The following HORMAD2 variants were observed in gnomAD, a reference collection of about 807,000 sequenced individuals.
HORMAD2 encodes HORMA domain-containing protein 2.
HORMAD2 carries 45 observed loss-of-function variants against 38.8 expected under a neutral mutation model. That is an observed-to-expected ratio of 1.16 (90% CI 0.91 to 1.49). The LOEUF is 1.49. Among genes scored for constraint, HORMAD2 ranks in the 40% most tolerant of loss-of-function variants. The pLI, the probability that HORMAD2 is intolerant of heterozygous loss-of-function variation, is 0.00. For missense variants in HORMAD2, 338 were observed against 367.0 expected, an observed-to-expected ratio of 0.92 and a Z score of 0.65; for synonymous variants, 126 against 122.8, an observed-to-expected ratio of 1.03 and a Z score of -0.17.
chr22:30,188,129 C>T, the HORMAD2 span, among the ~76,000 whole-genome samples: 1 of 152,126 alleles, frequency 6.6e-6, no homozygotes, highest in Non-Finnish European at 1.5e-5. Flanking sequence ...AGACAATAAG[C>T]ATCTCTGAAG....
upstream of HORMAD2, among the ~76,000 whole-genome samples, chr22:30,078,112 GAAGT>G (rs1411550579): frequency 5.9e-5 from 9 of 152,150 alleles, no homozygotes; most frequent in African/African-American, 1.4e-4. Context: ...AGGAAGGAAA[GAAGT>G]AAGAGAAACT....
At chr22:30,098,729 T>C in intron 2 of HORMAD2, 123 bp from the exon 3 acceptor site, 1 of 748,440 alleles carries the variant, frequency 1.3e-6, no homozygotes, top group Non-Finnish European at 2.0e-6. Flanking sequence ...TTCTTTTTGA[T>C]TACCTTCAAA....
chr22:30,140,552 G>C (rs958322913), intron 10 of HORMAD2, among the ~76,000 whole-genome samples: 3 of 150,654 alleles, frequency 2.0e-5, no homozygotes, highest in African/African-American at 7.5e-5. Context: ...TTTCATCTAA[G>C]TTATCTAATT....
downstream of HORMAD2, among the ~76,000 whole-genome samples, chr22:30,180,003 C>T (rs943400591): frequency 6.6e-6 from 1 of 152,142 alleles, no homozygotes; most frequent in African/African-American, 2.4e-5. Flanking sequence ...ATCCTCCCAC[C>T]TCAGCCTCCC....
At chr22:30,198,172 T>C in the HORMAD2 span, among the ~76,000 whole-genome samples, 32 of 152,048 alleles carry the variant, frequency 2.1e-4, no homozygotes, top group Non-Finnish European at 4.3e-4. Context: ...CAACACTTGC[T>C]CTGTCTCAAA....
At chr22:30,186,748 C>G in the HORMAD2 span, among the ~76,000 whole-genome samples, 1 of 152,064 alleles carries the variant, frequency 6.6e-6, no homozygotes, top group Non-Finnish European at 1.5e-5. Context: ...ATAGGTTTAC[C>G]CAAGGCTATC....
At chr22:30,156,887 C>T (rs1925111824) in intron 10 of HORMAD2, among the ~76,000 whole-genome samples, 1 of 152,226 alleles carries the variant, frequency 6.6e-6, no homozygotes, top group Non-Finnish European at 1.5e-5. Context: ...TGCCTCCAAA[C>T]CTCTTCAAGA....
chr22:30,149,319 A>G (rs1315321544), intron 10 of HORMAD2, among the ~76,000 whole-genome samples: 2 of 152,202 alleles, frequency 1.3e-5, no homozygotes, highest in Non-Finnish European at 2.9e-5. Context: ...CACTAACCAC[A>G]TGGCTACTAG....
intron 10 of HORMAD2, among the ~76,000 whole-genome samples, chr22:30,147,611 A>T (rs906480290): frequency 6.6e-6 from 1 of 152,170 alleles, no homozygotes; most frequent in Non-Finnish European, 1.5e-5. Context: ...GATAAGCAGG[A>T]CTTCATCATA....
chr22:30,204,583 T>C, the HORMAD2 span, among the ~76,000 whole-genome samples: 452 of 152,308 alleles, frequency 3.0e-3, 5 homozygotes, highest in East Asian at 2.1e-3. Flanking sequence ...ATGTGGTTGC[T>C]GGTCAGAAGC....
chr22:30,115,921 G>A (rs1922009250), intron 7 of HORMAD2, among the ~76,000 whole-genome samples: 1 of 152,120 alleles, frequency 6.6e-6, no homozygotes, highest in African/African-American at 2.4e-5. Flanking sequence ...TCTGTGAAGG[G>A]CAATGGCATG....
chr22:30,166,570 T>C (rs144051217), intron 10 of HORMAD2, among the ~76,000 whole-genome samples: 1 of 152,334 alleles, frequency 6.6e-6, no homozygotes, highest in East Asian at 1.9e-4. Flanking sequence ...AGAGGTAGTG[T>C]AGCAAAGAAT....
the HORMAD2 span, among the ~76,000 whole-genome samples, chr22:30,194,424 T>C: frequency 6.6e-6 from 1 of 152,154 alleles, no homozygotes; most frequent in South Asian, 2.1e-4. Flanking sequence ...TGAAACTGAA[T>C]TGGGGTAGCT....
the HORMAD2 span, among the ~76,000 whole-genome samples, chr22:30,206,568 A>G: frequency 6.6e-6 from 1 of 152,084 alleles, no homozygotes; most frequent in East Asian, 1.9e-4. Context: ...CTGTAGCCTC[A>G]AACTCCTGGG....
chr22:30,125,860 G>A (rs970975931), intron 10 of HORMAD2, among the ~76,000 whole-genome samples: 2 of 152,116 alleles, frequency 1.3e-5, no homozygotes, highest in African/African-American at 4.8e-5. Flanking sequence ...ACTAGAGCTG[G>A]GATGAGGGTG....
At chr22:30,126,249 AG>A (rs1478387003) in intron 10 of HORMAD2, among the ~76,000 whole-genome samples, 1 of 151,930 alleles carries the variant, frequency 6.6e-6, no homozygotes, top group Non-Finnish European at 1.5e-5. Flanking sequence ...GCTCACTGCA[AG>A]TTCCGCCTCC....
intron 10 of HORMAD2, among the ~76,000 whole-genome samples, chr22:30,148,690 T>C (rs916880776): frequency 6.6e-6 from 1 of 152,086 alleles, no homozygotes; most frequent in African/African-American, 2.4e-5. Flanking sequence ...TAAAATGAAG[T>C]ACTGTGTATT....
intron 10 of HORMAD2, among the ~76,000 whole-genome samples, chr22:30,125,893 GC>G (rs1183611038): frequency 1.3e-5 from 2 of 152,156 alleles, no homozygotes; most frequent in African/African-American, 4.8e-5. Context: ...TGCCTAGGGA[GC>G]ATATTTTAAG....
chr22:30,166,060 GT>G (rs1369905920), intron 10 of HORMAD2, among the ~76,000 whole-genome samples: 1 of 143,618 alleles, frequency 7.0e-6, no homozygotes. Flanking sequence ...TCTTTTTAAG[GT>G]TTTCCCATAT....
Sources: gnomAD v4.1 joint callset for allele counts (sites outside exome capture counted in the v4.1 genomes callset) on GRCh38, gnomAD v4.1.1 for gene constraint, MANE v1.5 for transcripts, NCBI Gene and HGNC (gene_info 2026-07-23, HGNC 2026-07-21) for gene names.